The following MPP7 variants were observed in gnomAD, a reference collection of about 807,000 sequenced individuals.
The protein encoded by MPP7 is MAGUK p55 subfamily member 7.
In MPP7, 60 loss-of-function variants were observed where a neutral mutation model predicts 76.5. The ratio of observed to expected loss-of-function variants is 0.78; its 90% CI spans 0.64 to 0.97. The LOEUF is 0.97. Ranked by LOEUF, MPP7 falls within the 50% of genes least tolerant of loss-of-function variation. MPP7 has a pLI of 0.00. For synonymous variants in MPP7, 237 were observed against 244.5 expected (o/e 0.97, Z 0.29); for missense variants, 641 against 694.0 (o/e 0.92, Z 0.86).
At chr10:28,142,005 C>T in intron 5 of MPP7, among the ~76,000 whole-genome samples, 1 of 151,924 alleles carries the variant, frequency 6.6e-6, no homozygotes, top group East Asian at 1.9e-4. Context: ...ACATCTTATA[C>T]CATACACCAA....
chr10:28,090,814 G>A (rs2133453809), intron 11 of MPP7, among the ~76,000 whole-genome samples: 1 of 152,220 alleles, frequency 6.6e-6, no homozygotes, highest in Non-Finnish European at 1.5e-5. Context: ...TTCTCTAATG[G>A]AAATTCTATG....
chr10:28,144,044 C>A (rs1391843816), intron 5 of MPP7, among the ~76,000 whole-genome samples: 1 of 152,100 alleles, frequency 6.6e-6, no homozygotes, highest in African/African-American at 2.4e-5. Context: ...GCCACCGCCA[C>A]CATACCCGGG....
chr10:28,235,408 T>C (rs1319773630), intron 2 of MPP7, among the ~76,000 whole-genome samples: 1 of 152,120 alleles, frequency 6.6e-6, no homozygotes, highest in Non-Finnish European at 1.5e-5. Flanking sequence ...AAAATTGCTC[T>C]AAAAATAATC....
intron 2 of MPP7, among the ~76,000 whole-genome samples, chr10:28,214,012 T>C (rs1171644147): frequency 1.3e-5 from 2 of 152,188 alleles, no homozygotes; most frequent in Admixed American, 6.5e-5. Context: ...GTAGGATCCA[T>C]ATCTAACTGT....
At chr10:28,328,952 T>C (rs560635050) in intron 2 of MPP7, among the ~76,000 whole-genome samples, 20 of 152,242 alleles carry the variant, frequency 1.3e-4, no homozygotes, top group Non-Finnish European at 2.5e-4. Flanking sequence ...CATTGTTGTA[T>C]ATTGTAACAC....
chr10:28,277,702 C>T (rs934030130), intron 1 of MPP7, among the ~76,000 whole-genome samples: 1 of 152,016 alleles, frequency 6.6e-6, no homozygotes, highest in Non-Finnish European at 1.5e-5. Flanking sequence ...CTTAGCAAAG[C>T]AGCAGCTGTA....
chr10:28,221,405 C>T (rs1588944743), intron 2 of MPP7, among the ~76,000 whole-genome samples: 2 of 152,106 alleles, frequency 1.3e-5, no homozygotes, highest in South Asian at 4.1e-4. Flanking sequence ...CTTCCTGACA[C>T]ATAATGAAAT....
At chr10:28,302,554 C>T (rs1193612713) in intron 1 of MPP7, among the ~76,000 whole-genome samples, 2 of 152,206 alleles carry the variant, frequency 1.3e-5, no homozygotes, top group Non-Finnish European at 2.9e-5. Context: ...CCTGTCGGTT[C>T]TCCCCGCTCT....
At chr10:28,318,684 T>C (rs981308137) in intron 2 of MPP7, among the ~76,000 whole-genome samples, 9 of 152,086 alleles carry the variant, frequency 5.9e-5, no homozygotes, top group Non-Finnish European at 1.0e-4. Flanking sequence ...ACACTCCATA[T>C]CAAAAAATAA....
chr10:28,178,499 A>G (rs1476639314), intron 3 of MPP7, among the ~76,000 whole-genome samples: 1 of 152,036 alleles, frequency 6.6e-6, no homozygotes, highest in Non-Finnish European at 1.5e-5. Flanking sequence ...CAAAATGAGG[A>G]GAATTGAAAA....
intron 11 of MPP7, among the ~76,000 whole-genome samples, chr10:28,105,641 T>C (rs1403645093): frequency 6.6e-6 from 1 of 152,096 alleles, no homozygotes; most frequent in Non-Finnish European, 1.5e-5. Flanking sequence ...CTGAGTAACT[T>C]GGATTACAGG....
At chr10:28,168,712 G>A (rs1481981606) in intron 3 of MPP7, among the ~76,000 whole-genome samples, 1 of 152,038 alleles carries the variant, frequency 6.6e-6, no homozygotes, top group Admixed American at 6.6e-5. Flanking sequence ...TAAACACGGG[G>A]TTTCACCATG....
intron 1 of MPP7, among the ~76,000 whole-genome samples, chr10:28,247,516 T>C (rs11006945): frequency 0.079 from 12,014 of 152,142 alleles, 954 homozygotes; most frequent in East Asian, 0.4. Context: ...ATCCAAAGCA[T>C]TCATTATATA....
rs370373815 is a variant in MPP7, at chr10:28,329,671, T to C, written c.-132+258A>G. Reference sequence around the variant, plus strand: ...AAAAAAACCACTACTTTACTAATACTTTTCTAACAGTTTTTCAGCTGAGAA... The same window carrying C: ...AAAAAAACCACTACTTTACTAATACCTTTCTAACAGTTTTTCAGCTGAGAA... On this transcript the variant is annotated intron_variant, in intron 2 of 11. Transcript: ENST00000441595. Among the ~76,000 whole-genome samples the C allele has an allele frequency of 5.3e-5, 8 of 151,812 alleles. No homozygotes were observed. The East Asian group carries it at 5.8e-4, about 11-fold the overall frequency.
At chr10:28,167,109 G>A (rs562778455) in intron 3 of MPP7, among the ~76,000 whole-genome samples, 4 of 152,128 alleles carry the variant, frequency 2.6e-5, no homozygotes, top group African/African-American at 7.2e-5. Flanking sequence ...TCAGGAGTTC[G>A]AGACCAGCCT....
intron 11 of MPP7, among the ~76,000 whole-genome samples, chr10:28,094,034 G>A (rs1853445096): frequency 6.6e-6 from 1 of 152,166 alleles, no homozygotes; most frequent in Non-Finnish European, 1.5e-5. Context: ...TTTTCTAAGA[G>A]TTAAAATTCT....
chr10:28,115,503 G>A lies in MPP7; in HGVS notation c.952+4148C>T, dbSNP rs1834639797. Among the ~76,000 whole-genome samples the A allele has an allele frequency of 5.3e-5, 8 of 152,308 alleles. No homozygotes were observed. In the South Asian group the frequency reaches 1.7e-3, roughly 32 times the overall value. On this transcript the variant is annotated intron_variant, in intron 11 of 16. Transcript: ENST00000683449. ...AATGTTTTAGACATACAAACTTCAT[G>A]TAACAACATAAGCAATGTGTTTGTT...
At chr10:28,323,626 C>T (rs879776) in intron 2 of MPP7, among the ~76,000 whole-genome samples, 46,001 of 151,876 alleles carry the variant, frequency 0.3, 7,193 homozygotes, top group East Asian at 0.43. Context: ...GAAGGGATCA[C>T]GTGAGGCCAG....
intron 13 of MPP7, among the ~76,000 whole-genome samples, chr10:28,066,764 C>T (rs1285709869): frequency 6.6e-6 from 1 of 152,202 alleles, no homozygotes; most frequent in Non-Finnish European, 1.5e-5. Context: ...TGAAATCACG[C>T]TGCCTCATTC....
Sources: gnomAD v4.1 joint callset for allele counts (sites outside exome capture counted in the v4.1 genomes callset) on GRCh38, gnomAD v4.1.1 for gene constraint, MANE v1.5 for transcripts, NCBI Gene and HGNC (gene_info 2026-07-23, HGNC 2026-07-21) for gene names.